SLMAP: variants seen among roughly 807,000 people sequenced by gnomAD.
SLMAP encodes sarcolemmal membrane-associated protein.
A neutral mutation model predicts 128.8 loss-of-function variants in SLMAP; 44 were observed. The observed-to-expected ratio is 0.34, with a 90% CI of 0.27 to 0.44. SLMAP has a LOEUF of 0.44. Among genes scored for constraint, SLMAP ranks in the 20% least tolerant of loss-of-function variants. SLMAP has a pLI of 1.00. For synonymous variants in SLMAP, 327 were observed against 348.8 expected (o/e 0.94, Z 0.70); for missense variants, 787 against 985.3 (o/e 0.80, Z 2.69).
intron 19 of SLMAP, 141 bp downstream of exon 19, chr3:57,909,291 C>T: frequency 1.0e-5 from 6 of 599,188 alleles, no homozygotes; most frequent in South Asian, 4.4e-5. Flanking sequence ...CTCCTGAGGT[C>T]AGGAATTCGA....
At chr3:57,808,166 G>A (rs1358502381) in intron 2 of SLMAP, among the ~76,000 whole-genome samples, 1 of 151,690 alleles carries the variant, frequency 6.6e-6, no homozygotes, top group Non-Finnish European at 1.5e-5. Context: ...TATTGGTCTA[G>A]CAAGCAGTCT....
intron 4 of SLMAP, among the ~76,000 whole-genome samples, chr3:57,846,065 C>T (rs1410106016): frequency 6.6e-6 from 1 of 152,210 alleles, no homozygotes; most frequent in Non-Finnish European, 1.5e-5. Flanking sequence ...TGGTCTCGAA[C>T]TCCTGACCTC....
rs770395051 is a variant in SLMAP, at chr3:57,861,981, C to T, written c.861C>T (p.Thr287=). The T allele has an allele frequency of 9.9e-6, 16 of 1,611,150 alleles. No individual in the cohort carries two copies. Among genetic ancestry groups the T allele is most frequent in the African/African-American group, 1.3e-5 (1 of 74,824 alleles). Residue 287 remains threonine, a synonymous_variant, in exon 10 of 25, where the codon ACC becomes ACT. Coordinates refer to ENST00000671191, the MANE Select transcript of SLMAP (RefSeq NM_001377540.1). ...RSLSNTEDEC[T]HLKEMNERTQ... The stretch of plus-strand genomic sequence containing the variant: ...TGAGTAATACTGAAGATGAATGTAC[C>T]CATCTGAAAGAAATGAATGAAAGGA...
intron 20 of SLMAP, 69 bp downstream of exon 20, chr3:57,912,770 A>G (rs201312829): frequency 1.7e-6 from 2 of 1,198,226 alleles, no homozygotes; most frequent in African/African-American, 3.1e-5. Flanking sequence ...TGTTTAAAAA[A>G]GAAACATGCA....
intron 3 of SLMAP, among the ~76,000 whole-genome samples, chr3:57,838,592 T>C (rs1004354433): frequency 1.3e-4 from 20 of 152,188 alleles, no homozygotes; most frequent in Non-Finnish European, 2.5e-4. Flanking sequence ...ATCGTAAATA[T>C]TCACAATGCA....
intron 8 of SLMAP, 64 bp downstream of exon 8, chr3:57,858,223 G>C: frequency 1.1e-6 from 1 of 930,824 alleles, no homozygotes; most frequent in Non-Finnish European, 1.8e-6. Flanking sequence ...TCATTTCTTT[G>C]ACTATCATTT....
At chr3:57,916,598 ACT>A (rs1371630491) in intron 21 of SLMAP, among the ~76,000 whole-genome samples, 1 of 152,238 alleles carries the variant, frequency 6.6e-6, no homozygotes, top group Non-Finnish European at 1.5e-5. Context: ...GAAGACCTAC[ACT>A]GAGTCTTTTC....
chr3:57,882,376 A>T (rs887434361), intron 14 of SLMAP, among the ~76,000 whole-genome samples: 1 of 152,220 alleles, frequency 6.6e-6, no homozygotes, highest in African/African-American at 2.4e-5. Flanking sequence ...GGGATAGGGA[A>T]CAATAAAGGT....
chr3:57,920,862 A>G (rs1375729127), intron 22 of SLMAP, among the ~76,000 whole-genome samples: 1 of 150,774 alleles, frequency 6.6e-6, no homozygotes, highest in Non-Finnish European at 1.5e-5. Flanking sequence ...TAAAAATACA[A>G]AAAAATTAGC....
At chr3:57,776,740 A>G (rs536021408) in intron 2 of SLMAP, among the ~76,000 whole-genome samples, 6 of 151,670 alleles carry the variant, frequency 4.0e-5, no homozygotes, top group South Asian at 4.2e-4. Flanking sequence ...TGGTCAGGCT[A>G]TCTTGAACTC....
At chr3:57,799,253 T>C (rs1209397971) in intron 2 of SLMAP, among the ~76,000 whole-genome samples, 2 of 152,226 alleles carry the variant, frequency 1.3e-5, no homozygotes, top group Non-Finnish European at 2.9e-5. Flanking sequence ...TATACCTAGC[T>C]AACCCATTAC....
Position 57,788,904 on chromosome 3 carries a change from A to G in SLMAP, c.198+31055A>G, listed in dbSNP as rs564109618. Reference sequence around the variant, plus strand: ...GTGACAGTTCTGTACATGCATTACTATAAGTGGATCCGGAGAGTAATTAAG... The same window carrying G: ...GTGACAGTTCTGTACATGCATTACTGTAAGTGGATCCGGAGAGTAATTAAG... On this transcript the variant is annotated intron_variant, in intron 2 of 24. Transcript: ENST00000671191. Among the ~76,000 whole-genome samples, 5 of 152,300 alleles carry G rather than the reference A, an allele frequency of 3.3e-5. No individual in the cohort carries two copies. The South Asian group carries it at 8.3e-4, about 25-fold the overall frequency.
intron 23 of SLMAP, among the ~76,000 whole-genome samples, chr3:57,925,376 C>A (rs1244366388): frequency 1.3e-5 from 2 of 149,930 alleles, no homozygotes; most frequent in African/African-American, 4.9e-5. Context: ...TGTCACCCAG[C>A]TTGGAGTGCA....
rs973155100 is a variant in SLMAP, at chr3:57,813,061, C to T, written c.199-18322C>T. ...CATACAAGACTATATCATCTATAAA[C>T]GGATAATTTTATTTTGTCCTTTCCG... On this transcript the variant is annotated intron_variant, in intron 2 of 24. Coordinates refer to ENST00000671191, the MANE Select transcript of SLMAP (RefSeq NM_001377540.1). Among the ~76,000 whole-genome samples the T allele has an allele frequency of 6.7e-4, 100 of 149,778 alleles. 1 individual carries two copies. The highest frequency in any genetic ancestry group is 5.8e-4 in the Non-Finnish European group (39 of 67,656).
At chr3:57,869,384 A>G (rs1331376992) in intron 13 of SLMAP, among the ~76,000 whole-genome samples, 1 of 151,218 alleles carries the variant, frequency 6.6e-6, no homozygotes, top group East Asian at 1.9e-4. Flanking sequence ...AACCTCACAG[A>G]CACACCCAGG....
intron 2 of SLMAP, among the ~76,000 whole-genome samples, chr3:57,829,452 A>G (rs2093180653): frequency 6.6e-6 from 1 of 151,720 alleles, no homozygotes; most frequent in African/African-American, 2.4e-5. Flanking sequence ...ACATTACCAC[A>G]TTTCCCAAGA....
chr3:57,775,301 C>T (rs2081624966), intron 2 of SLMAP, among the ~76,000 whole-genome samples: 1 of 152,004 alleles, frequency 6.6e-6, no homozygotes, highest in Admixed American at 6.6e-5. Context: ...CCCGGCCTCC[C>T]AAAGTGCTGG....
At chr3:57,769,254 G>A (rs373885313) in intron 2 of SLMAP, among the ~76,000 whole-genome samples, 2 of 151,652 alleles carry the variant, frequency 1.3e-5, no homozygotes, top group East Asian at 1.9e-4. Context: ...GTGCAGTGGC[G>A]CGATCTTGGC....
rs143555382 is a variant in SLMAP, at chr3:57,924,424, A to C, written c.2445+1401A>C. Among the ~76,000 whole-genome samples, 183 of 150,354 alleles carry C rather than the reference A, an allele frequency of 1.2e-3. 3 individuals carry two copies. In the East Asian group the frequency reaches 0.034, roughly 28 times the overall value. On this transcript the variant is annotated intron_variant, in intron 23 of 24. Transcript: ENST00000671191. ...GCTCTTGTTGCCCAGGCTGGAGTGC[A>C]GTGGCATGATCTCAGCTCACCGCAA...
Sources: gnomAD v4.1 joint callset for allele counts (sites outside exome capture counted in the v4.1 genomes callset) on GRCh38, gnomAD v4.1.1 for gene constraint, MANE v1.5 for transcripts, NCBI Gene and HGNC (gene_info 2026-07-23, HGNC 2026-07-21) for gene names.